The following PCDHGB3 variants were observed in gnomAD, a reference collection of about 807,000 sequenced individuals.
PCDHGB3 encodes the protein protocadherin gamma-B3.
PCDHGB3 carries 40 observed loss-of-function variants against 59.2 expected under a neutral mutation model. That is an observed-to-expected ratio of 0.68 (90% CI 0.52 to 0.88). PCDHGB3 has a LOEUF of 0.88. PCDHGB3 is among the 40% of genes least tolerant of loss of function. The probability of loss-of-function intolerance (pLI) is 0.00; values close to 1 mark genes in which losing one functional copy is unlikely to be tolerated. For missense variants in PCDHGB3, 1,309 were observed against 1,187.9 expected, an observed-to-expected ratio of 1.10 and a Z score of -1.50; for synonymous variants, 581 against 503.6, an observed-to-expected ratio of 1.15 and a Z score of -2.06.
At chr5:141,414,285 A>G (rs766515802) in intron 1 of PCDHGB3, 1 of 1,613,634 alleles carries the variant, frequency 6.2e-7, no homozygotes, top group East Asian at 2.2e-5. Context: ...GAACAGTCGT[A>G]GCCCTTTTAA....
chr5:141,374,433 A>T, intron 1 of PCDHGB3: 1 of 1,613,990 alleles, frequency 6.2e-7, no homozygotes. Flanking sequence ...CTGAATCTTT[A>T]TCCCGTGGAA....
rs763315667 is a variant in PCDHGB3 at position 141,371,544 on chromosome 5, T to C, written c.1150T>C (p.Cys384Arg). Reference sequence around the variant, plus strand: ...TTCTGGATTTAATGGAGAAATCCTATGCCAACTAAAAGGAAACTTCCCCTT... The same window carrying C: ...TTCTGGATTTAATGGAGAAATCCTACGCCAACTAAAAGGAAACTTCCCCTT... ...LDSGFNGEILCQLKGNFPFKI... is the reference protein window; with the variant it reads ...LDSGFNGEILRQLKGNFPFKI... The change falls in exon 1 of 4, where the codon TGC (cysteine) becomes CGC (arginine). Residue 384 changes from cysteine (C) to arginine (R), a missense_variant. Transcript: ENST00000576222. 3.1e-6 allele frequency: 5 copies of C among 1,613,692 alleles called. No homozygotes were observed. The Admixed American group carries it at 5.0e-5, about 16-fold the overall frequency.
chr5:141,486,967 G>C lies in PCDHGB3; in HGVS notation c.2416-7840G>C. The C allele has an allele frequency of 6.2e-7, 1 of 1,614,202 alleles. No homozygotes were observed. Among genetic ancestry groups the C allele is most frequent in the Non-Finnish European group, 8.5e-7 (1 of 1,180,032 alleles). ...TCACAAAGGTGACTGCTGTGGACTT[G>C]GATTCAGGTTACAATGCTTGGGTTT... On this transcript the variant is annotated intron_variant, in intron 1 of 3. Transcript: ENST00000576222. The surrounding 1 kb of genome is among the most constrained non-coding windows in gnomAD (Gnocchi z 5.0).
chr5:141,490,092 C>T lies in PCDHGB3; in HGVS notation c.2416-4715C>T. On this transcript the variant is annotated intron_variant, in intron 1 of 3. Coordinates refer to ENST00000576222, the MANE Select transcript of PCDHGB3 (RefSeq NM_018924.5). This position sits in a 1 kb window ranked among gnomAD's most constrained non-coding sequence, Gnocchi z 5.4. ...AACTAGACTATTCTTTTGGAGACCA[C>T]ACATCTGAGGCAGTGCGGAACCTCT... 6.2e-7 allele frequency: 1 copy of T among 1,614,240 alleles called. No individual in the cohort carries two copies.
At chr5:141,394,122 C>G in intron 1 of PCDHGB3, 1 of 1,613,944 alleles carries the variant, frequency 6.2e-7, no homozygotes, top group Middle Eastern at 1.6e-4. Context: ...CACTGAAACT[C>G]AAATCGCTCT....
chr5:141,509,882 G>A (rs1374735632), intron 3 of PCDHGB3, among the ~76,000 whole-genome samples: 1 of 152,182 alleles, frequency 6.6e-6, no homozygotes. Context: ...GGTGGTGATG[G>A]TGACTGACTG....
rs61612330 is a variant in PCDHGB3 at position 141,454,796 on chromosome 5, ATTTTTTTT to A, written c.2416-39989_2416-39982del. Reference sequence around the variant, plus strand: ...AAGGAAATAATCCTCCATGGTTCTAATTTTTTTTTTTTTTTTTTTTTTTTTTTTTGAGA... The same window carrying A: ...AAGGAAATAATCCTCCATGGTTCTAATTTTTTTTTTTTTTTTTTTTTGAGA... On this transcript the variant is annotated intron_variant, in intron 1 of 3. Transcript: ENST00000576222. Among the ~76,000 whole-genome samples, 398 of 77,454 alleles carry A rather than the reference ATTTTTTTT, an allele frequency of 5.1e-3. 2 individuals are homozygous for A. The highest frequency in any genetic ancestry group is 0.021 in the African/African-American group (363 of 16,886). 50.8% of individuals were successfully genotyped at this position (77,454 alleles called of 152,430 possible).
intron 1 of PCDHGB3, among the ~76,000 whole-genome samples, chr5:141,484,107 A>C (rs13361997): frequency 0.24 from 37,195 of 152,070 alleles, 6,332 homozygotes; most frequent in African/African-American, 0.48. Context: ...TAATTAACAA[A>C]AGATCAAGAA....
Position 141,371,912 on chromosome 5 carries a change from C to T in PCDHGB3, c.1518C>T (p.Ser506=), listed in dbSNP as rs1768180129. The T allele has an allele frequency of 6.8e-6, 11 of 1,613,380 alleles. No individual in the cohort carries two copies. Among genetic ancestry groups the T allele is most frequent in the Non-Finnish European group, 9.3e-6 (11 of 1,179,904 alleles). Residue 506 remains serine (S), a synonymous_variant, in exon 1 of 4, where the codon TCC becomes TCT. Transcript: ENST00000576222. ...CGCGGGAGCTGTCGTCCTACGTGTC[C>T]GTGAGCGCGCGGAGCGGGGTGGTGT... ...LEPRELSSYV[S]VSARSGVVFA...
At chr5:141,378,415 C>G (rs62378442) in intron 1 of PCDHGB3, 5,215 of 152,332 alleles carry the variant, frequency 0.034, 104 homozygotes, top group Middle Eastern at 0.088. Context: ...CGCAGCTACT[C>G]GGGAGGCTGA....
At chr5:141,393,632 C>T (rs1477463079) in intron 1 of PCDHGB3, 1 of 1,613,930 alleles carries the variant, frequency 6.2e-7, no homozygotes, top group Non-Finnish European at 8.5e-7. Context: ...ATGAGGGAAT[C>T]AACGGAAAAG....
chr5:141,388,415 T>C, intron 1 of PCDHGB3: 2 of 1,613,894 alleles, frequency 1.2e-6, no homozygotes, highest in Non-Finnish European at 1.7e-6. Flanking sequence ...CCAGTGATCA[T>C]TTCTCACTGA....
At chr5:141,390,039 C>A (rs2092026934) in intron 1 of PCDHGB3, 2 of 1,614,048 alleles carry the variant, frequency 1.2e-6, no homozygotes, top group Non-Finnish European at 1.7e-6. Flanking sequence ...CTCCTCCAGC[C>A]CCGCCTCCTG....
intron 1 of PCDHGB3, chr5:141,427,780 TGTCGTCCTAC>T (rs892399327): frequency 8.9e-6 from 13 of 1,455,886 alleles, no homozygotes; most frequent in Middle Eastern, 1.7e-4. Context: ...CTGCGGGCAC[TGTCGTCCTAC>T]GTGTCCGTGA....
At chr5:141,422,138 T>G (rs1201680879) in intron 1 of PCDHGB3, 1 of 1,587,640 alleles carries the variant, frequency 6.3e-7, no homozygotes, top group Admixed American at 1.9e-5. Context: ...GAAGTTCAAG[T>G]ACGGGGGTCT....
chr5:141,376,073 G>T, intron 1 of PCDHGB3: 6 of 1,613,508 alleles, frequency 3.7e-6, no homozygotes, highest in South Asian at 1.1e-5. Context: ...CACCGTGGCC[G>T]TGGCCGACAG....
chr5:141,393,656 C>T (rs762750239), intron 1 of PCDHGB3: 2 of 1,613,868 alleles, frequency 1.2e-6, no homozygotes, highest in East Asian at 4.5e-5. Context: ...CATACAAATT[C>T]CGGAAAATTA....
At chr5:141,393,304 T>G (rs1317637425) in intron 1 of PCDHGB3, 3 of 1,613,680 alleles carry the variant, frequency 1.9e-6, no homozygotes, top group Admixed American at 1.7e-5. Context: ...GATGTGGGCG[T>G]GAACTCCCTC....
intron 3 of PCDHGB3, among the ~76,000 whole-genome samples, chr5:141,508,629 T>C (rs934648689): frequency 6.6e-6 from 1 of 152,054 alleles, no homozygotes; most frequent in Non-Finnish European, 1.5e-5. Context: ...GGGCCGAGCT[T>C]CTAGCTACTC....
Sources: gnomAD v4.1 joint callset for allele counts (sites outside exome capture counted in the v4.1 genomes callset) on GRCh38, gnomAD v4.1.1 for gene constraint, Gnocchi (gnomAD v3.1) non-coding constraint, MANE v1.5 for transcripts, NCBI Gene and HGNC (gene_info 2026-07-23, HGNC 2026-07-21) for gene names.